The following PCM1 variants were observed in gnomAD, a reference collection of about 807,000 sequenced individuals.
PCM1 encodes the protein pericentriolar material 1 protein.
In PCM1, 157 loss-of-function variants were observed where a neutral mutation model predicts 241.9. The ratio of observed to expected loss-of-function variants is 0.65; its 90% CI spans 0.57 to 0.74. The LOEUF (loss-of-function observed/expected upper bound fraction) is 0.74. Among genes scored for constraint, PCM1 ranks in the 30% least tolerant of loss-of-function variants. PCM1 has a pLI of 0.00. For synonymous variants in PCM1, 1,085 were observed against 784.9 expected, an observed-to-expected ratio of 1.38 and a Z score of -6.39; for missense variants, 3,478 against 2,360.1, an observed-to-expected ratio of 1.47 and a Z score of -9.81.
Position 18,006,387 on chromosome 8 carries a change from G to A in PCM1, c.4952G>A (p.Ser1651Asn). Residue 1651 changes from serine (S) to asparagine (N), a missense_variant, in exon 30 of 39, where the codon AGT becomes AAT. Transcript: ENST00000325083. Reference sequence around the variant, plus strand: ...AAGTTCTTTCATAAACAACTTGGAAGTATATTACAGGTAAGAGTTTATACT... The same window carrying A: ...AAGTTCTTTCATAAACAACTTGGAAATATATTACAGGTAAGAGTTTATACT... ...FVKFFHKQLG[S>N]ILQDSLAKFA... 2 of 1,608,954 alleles carry A rather than the reference G, an allele frequency of 1.2e-6. No homozygotes were observed. Among genetic ancestry groups the A allele is most frequent in the South Asian group, 1.1e-5 (1 of 90,938 alleles).
intron 17 of PCM1, 87 bp downstream of exon 17, chr8:17,963,378 A>G: frequency 6.8e-6 from 6 of 886,474 alleles, no homozygotes; most frequent in Non-Finnish European, 1.0e-5. Flanking sequence ...TCTCCTCTAC[A>G]TCACAGCACA....
intron 29 of PCM1, among the ~76,000 whole-genome samples, chr8:17,996,574 A>C (rs1588111183): frequency 1.3e-5 from 2 of 151,496 alleles, no homozygotes; most frequent in East Asian, 3.9e-4. Context: ...TTTGTATTTT[A>C]TTTCAATTTC....
chr8:17,956,815 A>G (rs1433268783), intron 11 of PCM1, 38 bp downstream of exon 11: 2 of 1,490,852 alleles, frequency 1.3e-6, no homozygotes, highest in African/African-American at 1.4e-5. Flanking sequence ...CAGCATATTC[A>G]TTCTGTCTTG....
Position 17,937,240 on chromosome 8 carries a change from C to T in PCM1, c.203C>T (p.Ser68Leu), listed in dbSNP as rs1381908138. The T allele has an allele frequency of 1.3e-5, 21 of 1,609,380 alleles. No individual in the cohort carries two copies. The highest frequency in any genetic ancestry group is 6.6e-5 in the South Asian group (6 of 90,480). ...GTAACCAATGATATTTCTCCGGAGT[C>T]GTCACCAGGAGTTGGAAGGCGAAGA... ...KRVTNDISPE[S>L]SPGVGRRRTK... is the part of the protein sequence containing the mutation. Residue 68 changes from serine (S) to leucine (L), a missense_variant, in exon 4 of 39, where the codon TCG becomes TTG. By Grantham distance (145) the Ser-to-Leu change is moderately radical (BLOSUM62 -2). Transcript: ENST00000325083.
rs761946651 is a variant in PCM1 at position 17,937,292 on chromosome 8, C to G, written c.255C>G (p.His85Gln). ...RRTKTPHTFP[H>Q]SRYMSQMSVP... ...CAAAGACTCCACATACGTTCCCACACAGTAGATACATGAGTCAGATGTCTG... is the reference window on the plus strand; with the variant it reads ...CAAAGACTCCACATACGTTCCCACAGAGTAGATACATGAGTCAGATGTCTG... Residue 85 changes from histidine (H) to glutamine (Q), a missense_variant, in exon 4 of 39, where the codon CAC (histidine) becomes CAG (glutamine). Transcript: ENST00000325083. 1.2e-6 allele frequency: 2 copies of G among 1,609,368 alleles called. No homozygotes were observed. Among genetic ancestry groups the G allele is most frequent in the South Asian group, 1.1e-5 (1 of 90,514 alleles).
At chr8:18,017,419 C>T (rs2093330398) in intron 36 of PCM1, among the ~76,000 whole-genome samples, 1 of 152,304 alleles carries the variant, frequency 6.6e-6, no homozygotes, top group Non-Finnish European at 1.5e-5. Flanking sequence ...GTCACCATAG[C>T]TGAACATTTT....
chr8:17,932,675 G>A (rs1271448404), intron 2 of PCM1, among the ~76,000 whole-genome samples: 1 of 151,190 alleles, frequency 6.6e-6, no homozygotes, highest in East Asian at 1.9e-4. Context: ...GCACACTTAG[G>A]AATTTACTTT....
chr8:17,929,216 CTG>C (rs1003821684), intron 2 of PCM1, among the ~76,000 whole-genome samples: 16 of 152,130 alleles, frequency 1.1e-4, no homozygotes, highest in African/African-American at 3.6e-4. Context: ...GGCAAGGTAA[CTG>C]TTTGGTTTCT....
At chr8:18,011,430 G>T in intron 33 of PCM1, 64 bp downstream of exon 33, 1 of 1,331,888 alleles carries the variant, frequency 7.5e-7, no homozygotes. Context: ...TATTGGAACA[G>T]TTTGGTGGAG....
At chr8:18,021,271 AG>A (rs2093731292) in intron 36 of PCM1, among the ~76,000 whole-genome samples, 1 of 152,166 alleles carries the variant, frequency 6.6e-6, no homozygotes, top group South Asian at 2.1e-4. Context: ...ATCATGGTGA[AG>A]AAAAACGTTT....
At chr8:17,979,785 A>G (rs1027093513) in intron 23 of PCM1, among the ~76,000 whole-genome samples, 3 of 94,746 alleles carry the variant, frequency 3.2e-5, no homozygotes, top group African/African-American at 1.5e-4. Context: ...TGTTTTTAAA[A>G]TTAAAAACAA....
chr8:17,939,501 C>T (rs2061413304), intron 5 of PCM1, among the ~76,000 whole-genome samples, 190 bp from the exon 6 acceptor site: 1 of 151,826 alleles, frequency 6.6e-6, no homozygotes. Flanking sequence ...TTAGTATTAC[C>T]AATTATGTCT....
intron 38 of PCM1, among the ~76,000 whole-genome samples, chr8:18,026,720 T>G (rs1466769851): frequency 1.3e-5 from 2 of 152,108 alleles, no homozygotes; most frequent in Non-Finnish European, 2.9e-5. Flanking sequence ...AGTGTTCATA[T>G]TATTTTTGTT....
Position 18,014,602 on chromosome 8 carries a change from C to A in PCM1, c.5603C>A (p.Pro1868His), listed in dbSNP as rs1425867971. Residue 1868 changes from proline (P) to histidine (H), a missense_variant, in exon 36 of 39, where the codon CCT becomes CAT. Transcript: ENST00000325083. The stretch of plus-strand genomic sequence containing the variant: ...ATGACAGATGACCAAAATAACTGTC[C>A]TGTGAAACCCTGTTACCTCAATATC... ...ATSKNDQNNC[P>H]VKPCYLNILE... is the part of the protein sequence containing the mutation. 1 of 1,607,152 alleles carries A rather than the reference C, an allele frequency of 6.2e-7. No homozygotes were observed. Among genetic ancestry groups the A allele is most frequent in the East Asian group, 2.2e-5 (1 of 44,778 alleles).
chr8:17,943,526 T>C (rs1203012500), intron 6 of PCM1, among the ~76,000 whole-genome samples: 1 of 152,162 alleles, frequency 6.6e-6, no homozygotes, highest in Admixed American at 6.5e-5. Flanking sequence ...GCCAGTTCTT[T>C]TTTTCTTAAG....
At chr8:17,988,234 T>C (rs1300999455) in intron 26 of PCM1, among the ~76,000 whole-genome samples, 2 of 151,856 alleles carry the variant, frequency 1.3e-5, no homozygotes, top group African/African-American at 2.4e-5. Context: ...ATTCCTAAAA[T>C]ACGTTCCTTA....
intron 2 of PCM1, among the ~76,000 whole-genome samples, chr8:17,929,023 C>T (rs1035204857): frequency 1.3e-5 from 2 of 152,172 alleles, no homozygotes; most frequent in African/African-American, 4.8e-5. Context: ...GCTTGCTTCT[C>T]ATCATAGGCT....
chr8:17,952,153 G>A (rs2066267673), intron 8 of PCM1, among the ~76,000 whole-genome samples: 1 of 151,934 alleles, frequency 6.6e-6, no homozygotes, highest in African/African-American at 2.4e-5. Context: ...AACCCAGGAG[G>A]CGGAGGTTTC....
chr8:18,001,991 C>CTT (rs2089617149), intron 29 of PCM1, among the ~76,000 whole-genome samples: 1 of 25,524 alleles, frequency 3.9e-5, no homozygotes, highest in Non-Finnish European at 6.9e-5. Context: ...TGCTTCTAAC[C>CTT]TTTCTTTTTT....
Sources: gnomAD v4.1 joint callset for allele counts (sites outside exome capture counted in the v4.1 genomes callset) on GRCh38, gnomAD v4.1.1 for gene constraint, MANE v1.5 for transcripts, NCBI Gene and HGNC (gene_info 2026-07-23, HGNC 2026-07-21) for gene names.